Variants in SPARC observed in about 807,000 individuals in gnomAD.
SPARC encodes the protein basement-membrane protein 40.
SPARC carries 23 observed loss-of-function variants against 37.7 expected under a neutral mutation model. That is an observed-to-expected ratio of 0.61 (90% CI 0.44 to 0.87). The LOEUF (loss-of-function observed/expected upper bound fraction) is 0.87. Among genes scored for constraint, SPARC ranks in the 40% least tolerant of loss-of-function variants. SPARC has a pLI of 0.00. For missense variants in SPARC, 312 were observed against 389.0 expected (o/e 0.80, Z 1.66); for synonymous variants, 155 against 150.8 (o/e 1.03, Z -0.20).
In SPARC at chr5:151,667,396, G is replaced by A. The variant is rs1211498811; in HGVS notation, c.585+71C>T. On this transcript the variant is annotated intron_variant, in intron 7 of 9. Transcript: ENST00000231061. ...GGAGCAGGATGCCGCCCTGCAGCTG[G>A]GGGCCCAGTTCTAGGAATGGGACTG... is the stretch of plus-strand genomic sequence containing the variant. The A allele has an allele frequency of 5.7e-6, 9 of 1,587,240 alleles. No individual in the cohort carries two copies. In the East Asian group the frequency reaches 1.8e-4, roughly 32 times the overall value.
intron 1 of SPARC, among the ~76,000 whole-genome samples, chr5:151,683,310 G>C (rs1310935464): frequency 6.6e-6 from 1 of 152,244 alleles, no homozygotes; most frequent in Non-Finnish European, 1.5e-5. Flanking sequence ...GGCATTGCAG[G>C]CCAGCCAACG....
At chr5:151,681,470 A>G (rs1322914281) in intron 1 of SPARC, among the ~76,000 whole-genome samples, 1 of 152,244 alleles carries the variant, frequency 6.6e-6, no homozygotes, top group Non-Finnish European at 1.5e-5. Flanking sequence ...AAATTATGTA[A>G]GCCAGAAAAT....
chr5:151,663,960 AGC>A, intron 9 of SPARC, 125 bp downstream of exon 9: 1 of 1,123,234 alleles, frequency 8.9e-7, no homozygotes, highest in South Asian at 1.4e-5. Context: ...AGGCAGAGAG[AGC>A]AGAGACAGGC....
chr5:151,686,305 G>C (rs1342706438), intron 1 of SPARC: 1 of 152,286 alleles, frequency 6.6e-6, no homozygotes, highest in Non-Finnish European at 1.5e-5. Flanking sequence ...GTGTTTGGGA[G>C]TGAGGAGAAT....
In SPARC at chr5:151,666,341, T is replaced by A. The variant is rs1760618355; in HGVS notation, c.734+20A>T. ...CCTGCCAGCCTTGAGCTCTGTTCACTCTAGGGTCTGGGGTCTTACCCGTCA... is the reference window on the plus strand; with the variant it reads ...CCTGCCAGCCTTGAGCTCTGTTCACACTAGGGTCTGGGGTCTTACCCGTCA... On this transcript the variant is annotated intron_variant, in intron 8 of 9. Transcript: ENST00000231061. The A allele has an allele frequency of 6.2e-7, 1 of 1,611,176 alleles. No homozygotes were observed. The highest frequency in any genetic ancestry group is 2.2e-5 in the East Asian group (1 of 44,824).
At position 151,673,135 on chromosome 5, in the gene SPARC, C is replaced by T. The variant is rs780696351; in HGVS notation, c.202G>A (p.Ala68Thr). Reference protein sequence around the residue: ...GAEETEEEVVAENPCQNHHCK... With the variant: ...GAEETEEEVVTENPCQNHHCK... ...TTACAGGGAAGGGACATACTTTCCG[C>T]CACCACCTCCTCTTCGGTTTCCTCT... Residue 68 changes from alanine to threonine, a missense_variant, in exon 4 of 10, where the codon GCG becomes ACG. Transcript: ENST00000231061. 1 of 1,613,152 alleles carries T rather than the reference C, an allele frequency of 6.2e-7. No individual in the cohort carries two copies. Among genetic ancestry groups the T allele is most frequent in the Admixed American group, 1.7e-5 (1 of 60,024 alleles).
chr5:151,680,475 A>G (rs1378913812), intron 1 of SPARC, among the ~76,000 whole-genome samples: 1 of 152,036 alleles, frequency 6.6e-6, no homozygotes, highest in Non-Finnish European at 1.5e-5. Context: ...ACCTCAAGCC[A>G]TCCGCCCGCC....
intron 1 of SPARC, chr5:151,685,328 C>A (rs1387494655): frequency 6.6e-6 from 1 of 152,032 alleles, no homozygotes. Flanking sequence ...TCCATCCCCA[C>A]GTCATGCCCT....
rs1325131860 is a variant in SPARC, at chr5:151,662,112, T to C, written c.*1459A>G. On this transcript the variant is annotated 3_prime_UTR_variant, in exon 10 of 10. Coordinates refer to ENST00000231061, the MANE Select transcript of SPARC (RefSeq NM_003118.4). ...GTGCAGAGTAAATACATCATAAATATTTTGTGAATGAATGAATGAATGAAT... is the reference window on the plus strand; with the variant it reads ...GTGCAGAGTAAATACATCATAAATACTTTGTGAATGAATGAATGAATGAAT... 1 of 152,636 alleles carries C rather than the reference T, an allele frequency of 6.6e-6. No homozygotes were observed. The highest frequency in any genetic ancestry group is 1.5e-5 in the Non-Finnish European group (1 of 68,052). The allele number at this position is 152,636 out of a possible 1,614,324, so 9.5% of individuals were successfully genotyped here. A position where few individuals can be genotyped will look rare whatever the true frequency, so the allele number is the denominator to read the frequency against.
At chr5:151,680,361 G>C (rs1760959419) in intron 1 of SPARC, among the ~76,000 whole-genome samples, 1 of 150,832 alleles carries the variant, frequency 6.6e-6, no homozygotes, top group Non-Finnish European at 1.5e-5. Flanking sequence ...CCGAGTAGCT[G>C]AGATCACAGG....
At chr5:151,668,518 A>G (rs1327387508) in intron 6 of SPARC, among the ~76,000 whole-genome samples, 1 of 152,160 alleles carries the variant, frequency 6.6e-6, no homozygotes, top group Non-Finnish European at 1.5e-5. Context: ...GCTCAAGGCC[A>G]CAATGTCAGA....
chr5:151,663,714 G>A, intron 9 of SPARC, 115 bp from the exon 10 acceptor site: 1 of 982,902 alleles, frequency 1.0e-6, no homozygotes, highest in Non-Finnish European at 1.6e-6. Context: ...AGGTGGCCAT[G>A]CAAGGTCACC....
rs1352686210 is a variant in SPARC, at chr5:151,669,776, G to A, written c.339C>T (p.Ser113=). The A allele has an allele frequency of 1.2e-6, 2 of 1,614,184 alleles. No individual in the cohort carries two copies. The highest frequency in any genetic ancestry group is 8.5e-7 in the Non-Finnish European group (1 of 1,180,022). Reference sequence around the variant, plus strand: ...AAGAGTCGAAGGTCTTGTTGTCATTGCTGCACACCTGTTGGCAAAGCACAG... The same window carrying A: ...AAGAGTCGAAGGTCTTGTTGTCATTACTGCACACCTGTTGGCAAAGCACAG... ...APIGEFEKVC[S]NDNKTFDSSC... The change falls in exon 6 of 10, where the codon AGC becomes AGT. Residue 113 remains serine (S), a synonymous_variant. Coordinates refer to ENST00000231061, the MANE Select transcript of SPARC (RefSeq NM_003118.4).
In SPARC at chr5:151,681,748, C is replaced by T. The variant is rs563931578; in HGVS notation, c.-14+5117G>A. On this transcript the variant is annotated intron_variant, in intron 1 of 9. Transcript: ENST00000231061. ...CTCTACTAAAAATACAAAAAATTAGCCGGGCATGGTGGCGGGCGCCTAAAA... is the reference window on the plus strand; with the variant it reads ...CTCTACTAAAAATACAAAAAATTAGTCGGGCATGGTGGCGGGCGCCTAAAA... Among the ~76,000 whole-genome samples the T allele has an allele frequency of 6.4e-3, 972 of 152,250 alleles. 12 individuals carry two copies. Among genetic ancestry groups the T allele is most frequent in the African/African-American group, 0.017 (692 of 41,552 alleles).
chr5:151,678,533 G>C (rs923607819), intron 1 of SPARC, among the ~76,000 whole-genome samples: 1 of 152,220 alleles, frequency 6.6e-6, no homozygotes, highest in Non-Finnish European at 1.5e-5. Flanking sequence ...ATGCTGGGAA[G>C]TAGGCAGACA....
chr5:151,673,954 C>A (rs946839342), intron 3 of SPARC, among the ~76,000 whole-genome samples: 2 of 146,996 alleles, frequency 1.4e-5, no homozygotes, highest in Non-Finnish European at 3.0e-5. Context: ...ACCCAAGCAT[C>A]TCCCCTTTCC....
Position 151,666,490 on chromosome 5 carries a change from T to G in SPARC, c.605A>C (p.Asn202Thr). ...GTCTCCTGCCTCCAGGCGCTTCTCA[T>G]TCTCATGGATCTTCTTCACCTGAGG... ...QKLRVKKIHE[N>T]EKRLEAGDHP... Residue 202 changes from asparagine to threonine, a missense_variant, in exon 8 of 10, where the codon AAT becomes ACT. Transcript: ENST00000231061. 6.2e-7 allele frequency: 1 copy of G among 1,614,060 alleles called. No individual in the cohort carries two copies. The highest frequency in any genetic ancestry group is 8.5e-7 in the Non-Finnish European group (1 of 1,179,970).
intron 2 of SPARC, among the ~76,000 whole-genome samples, chr5:151,675,129 G>A (rs1760828580): frequency 6.6e-6 from 1 of 152,192 alleles, no homozygotes; most frequent in African/African-American, 2.4e-5. Flanking sequence ...TCAACTTGGA[G>A]TAGGAGGAAG....
At chr5:151,670,636 T>C (rs1265604857) in intron 5 of SPARC, among the ~76,000 whole-genome samples, 1 of 152,148 alleles carries the variant, frequency 6.6e-6, no homozygotes, top group Non-Finnish European at 1.5e-5. Context: ...AGTCGATCTC[T>C]GAACATAGGG....
Sources: allele counts gnomAD v4.1 joint callset (sites outside exome capture counted in the v4.1 genomes callset), GRCh38; gene constraint gnomAD v4.1.1; transcripts MANE v1.5; gene names NCBI Gene and HGNC (gene_info 2026-07-23, HGNC 2026-07-21).